METTL25: variants seen among roughly 807,000 people sequenced by gnomAD.
METTL25 encodes the protein probable methyltransferase-like protein 25.
Under a neutral mutation model 71.6 loss-of-function variants are expected in METTL25, and 64 were observed. The observed-to-expected ratio is 0.89, with a 90% CI of 0.73 to 1.10. The LOEUF (loss-of-function observed/expected upper bound fraction) is 1.10, where lower values mean the gene tolerates loss of function less well. METTL25 is among the 50% of genes least tolerant of loss of function. METTL25 has a pLI of 0.00. For missense variants in METTL25, 807 were observed against 707.0 expected, an observed-to-expected ratio of 1.14 and a Z score of -1.60; for synonymous variants, 287 against 250.3, an observed-to-expected ratio of 1.15 and a Z score of -1.38.
At chr12:82,365,694 A>C (rs891751424) in intron 1 of METTL25, among the ~76,000 whole-genome samples, 1 of 152,226 alleles carries the variant, frequency 6.6e-6, no homozygotes, top group Admixed American at 6.5e-5. Flanking sequence ...GAGATAGTCT[A>C]AGTCAGGATA....
intron 8 of METTL25, among the ~76,000 whole-genome samples, chr12:82,444,628 A>AG (rs1890610521): frequency 6.6e-6 from 1 of 152,210 alleles, no homozygotes; most frequent in Admixed American, 6.6e-5. Flanking sequence ...AAAAGTAAAC[A>AG]GACATCAAAA....
At chr12:82,407,297 G>A (rs1446695524) in intron 5 of METTL25, among the ~76,000 whole-genome samples, 1 of 152,198 alleles carries the variant, frequency 6.6e-6, no homozygotes, top group South Asian at 2.1e-4. Flanking sequence ...ATCCTGCCTG[G>A]GTAAAGGCAG....
At chr12:82,435,503 C>G (rs1000725206) in intron 7 of METTL25, among the ~76,000 whole-genome samples, 4 of 151,326 alleles carry the variant, frequency 2.6e-5, no homozygotes, top group African/African-American at 9.7e-5. Context: ...TTGATAAAAT[C>G]TGATTCTTTT....
At chr12:82,466,319 A>G (rs1892227455) in intron 9 of METTL25, among the ~76,000 whole-genome samples, 1 of 131,706 alleles carries the variant, frequency 7.6e-6, no homozygotes, top group Non-Finnish European at 1.6e-5. Flanking sequence ...GGAATTTTTT[A>G]ACTTCATTCT....
chr12:82,373,615 ATGAG>A (rs1565804787), intron 1 of METTL25, among the ~76,000 whole-genome samples: 1 of 152,212 alleles, frequency 6.6e-6, no homozygotes, highest in East Asian at 1.9e-4. Flanking sequence ...GATAGGATAG[ATGAG>A]TGAGTCTCGC....
intron 8 of METTL25, among the ~76,000 whole-genome samples, chr12:82,447,111 G>T (rs890239779): frequency 7.3e-5 from 11 of 151,498 alleles, no homozygotes; most frequent in Non-Finnish European, 4.4e-5. Flanking sequence ...AAATAATCAA[G>T]ATCAGAGCAT....
At chr12:82,460,180 A>G (rs1891767095) in intron 9 of METTL25, among the ~76,000 whole-genome samples, 1 of 152,184 alleles carries the variant, frequency 6.6e-6, no homozygotes, top group African/African-American at 2.4e-5. Flanking sequence ...CCCACACTCT[A>G]AAAGTTACAG....
chr12:82,413,998 A>AT lies in METTL25; in HGVS notation c.1279+10874dup, dbSNP rs556681715. Among the ~76,000 whole-genome samples, 320 of 151,278 alleles carry AT rather than the reference A, an allele frequency of 2.1e-3. 1 individual carries two copies. Among genetic ancestry groups the AT allele is most frequent in the African/African-American group, 7.1e-3 (294 of 41,380 alleles). ...ATTTATAACAAATGTATATATATAT[A>AT]TTTTTTCTTAACTATATTAATATTA... On this transcript the variant is annotated intron_variant, in intron 5 of 11. Transcript: ENST00000248306.
chr12:82,437,936 T>G (rs924196720), intron 7 of METTL25, among the ~76,000 whole-genome samples: 2 of 151,770 alleles, frequency 1.3e-5, no homozygotes, highest in African/African-American at 4.8e-5. Context: ...TCTGTGGGGA[T>G]GTGCATAGGG....
chr12:82,432,802 A>G (rs1006510692), intron 6 of METTL25, among the ~76,000 whole-genome samples: 2 of 144,814 alleles, frequency 1.4e-5, no homozygotes, highest in African/African-American at 2.6e-5. Flanking sequence ...ATCTTATTTT[A>G]TTGCCTTTCG....
chr12:82,418,956 C>A (rs1189666552), intron 5 of METTL25, among the ~76,000 whole-genome samples: 1 of 152,030 alleles, frequency 6.6e-6, no homozygotes, highest in Non-Finnish European at 1.5e-5. Context: ...CAAGTTAAAG[C>A]AAAAGGATCT....
At chr12:82,416,218 C>A (rs1406604396) in intron 5 of METTL25, among the ~76,000 whole-genome samples, 1 of 152,082 alleles carries the variant, frequency 6.6e-6, no homozygotes, top group East Asian at 1.9e-4. Context: ...CAATTTGAAT[C>A]ATTGTTGACA....
intron 3 of METTL25, among the ~76,000 whole-genome samples, chr12:82,395,265 G>A (rs1021423385): frequency 7.2e-5 from 11 of 152,058 alleles, no homozygotes; most frequent in African/African-American, 2.4e-4. Flanking sequence ...CTCAGCAAAC[G>A]TAGGAGTTAA....
At chr12:82,369,717 T>G (rs1882995244) in intron 1 of METTL25, among the ~76,000 whole-genome samples, 3 of 152,128 alleles carry the variant, frequency 2.0e-5, no homozygotes, top group Admixed American at 2.0e-4. Context: ...ATTCCCTTAT[T>G]TGACCCCACC....
chr12:82,366,066 A>T (rs1232187711), intron 1 of METTL25, among the ~76,000 whole-genome samples: 1 of 152,154 alleles, frequency 6.6e-6, no homozygotes. Flanking sequence ...TGGACAACAG[A>T]GTGAGATTCC....
chr12:82,386,149 C>T (rs1592624382), intron 1 of METTL25, among the ~76,000 whole-genome samples: 2 of 152,120 alleles, frequency 1.3e-5, no homozygotes, highest in Non-Finnish European at 2.9e-5. Context: ...CAGGTTATAA[C>T]CTGATTCGTT....
rs545296698 is a variant in METTL25, at chr12:82,384,090, T to C, written c.260-2713T>C. 3.9e-5 allele frequency among the ~76,000 whole-genome samples: 6 copies of C among 152,272 alleles called. No homozygotes were observed. In the South Asian group the frequency reaches 8.3e-4, roughly 21 times the overall value. ...AGCATGTATAAAGCAGAACAGGGAC[T>C]TCCAGTAGAGGGAGATGTAGGCCAA... On this transcript the variant is annotated intron_variant, in intron 1 of 11. Coordinates refer to ENST00000248306, the MANE Select transcript of METTL25 (RefSeq NM_032230.3).
chr12:82,444,129 A>C (rs1890568801), intron 8 of METTL25, among the ~76,000 whole-genome samples: 1 of 152,176 alleles, frequency 6.6e-6, no homozygotes, highest in South Asian at 2.1e-4. Flanking sequence ...TGTAAGACAT[A>C]TAATAATCAA....
chr12:82,455,462 C>T (rs144097525), intron 8 of METTL25, among the ~76,000 whole-genome samples: 12 of 151,734 alleles, frequency 7.9e-5, no homozygotes, highest in African/African-American at 1.2e-4. Flanking sequence ...AAATAACAAA[C>T]GAATGGAAGA....
Sources: gnomAD v4.1 joint callset for allele counts (sites outside exome capture counted in the v4.1 genomes callset) on GRCh38, gnomAD v4.1.1 for gene constraint, MANE v1.5 for transcripts, NCBI Gene and HGNC (gene_info 2026-07-23, HGNC 2026-07-21) for gene names.